Variants in AGPAT3 observed in about 807,000 individuals in gnomAD.
The protein encoded by AGPAT3 is 1-acyl-sn-glycerol-3-phosphate acyltransferase gamma.
In AGPAT3, 5 loss-of-function variants were observed where a neutral mutation model predicts 47.3. The observed-to-expected ratio is 0.11, with a 90% CI of 0.06 to 0.22. The LOEUF (loss-of-function observed/expected upper bound fraction) is 0.22, where lower values mean the gene tolerates loss of function less well. AGPAT3 is among the 10% of genes least tolerant of loss of function. The pLI, the probability that AGPAT3 is intolerant of heterozygous loss-of-function variation, is 1.00. For synonymous variants in AGPAT3, 212 were observed against 208.3 expected, an observed-to-expected ratio of 1.02 and a Z score of -0.15; for missense variants, 315 against 493.0, an observed-to-expected ratio of 0.64 and a Z score of 3.42.
intron 1 of AGPAT3, among the ~76,000 whole-genome samples, chr21:43,870,669 C>T (rs1189155324): frequency 2.0e-5 from 3 of 152,190 alleles, no homozygotes; most frequent in Admixed American, 2.0e-4. Flanking sequence ...TTGCAGTGAG[C>T]TGAGATCGTG....
intron 1 of AGPAT3, among the ~76,000 whole-genome samples, chr21:43,897,820 G>C (rs1309328207): frequency 6.6e-6 from 1 of 152,234 alleles, no homozygotes; most frequent in East Asian, 1.9e-4. Flanking sequence ...AGCGAGCCGA[G>C]ATCACGCCTC....
chr21:43,968,128 CTGGGGAGGGCCA>C lies in AGPAT3; in HGVS notation c.348+14_348+25del. The C allele has an allele frequency of 6.6e-7, 1 of 1,515,942 alleles. No homozygotes were observed. Among genetic ancestry groups the C allele is most frequent in the Non-Finnish European group, 8.9e-7 (1 of 1,122,660 alleles). The allele number at this position is 1,515,942 out of a possible 1,614,324, so 93.9% of individuals were successfully genotyped here. On this transcript the variant is annotated intron_variant, in intron 4 of 9. Coordinates refer to ENST00000291572, the MANE Select transcript of AGPAT3 (RefSeq NM_020132.5). ...CGGAGTGCTGGGGGTGAGCGGGGAC[CTGGGGAGGGCCA>C]CGGGTGAGCAGGAGGGTCCCGGGGA... is the stretch of plus-strand genomic sequence containing the variant.
chr21:43,904,397 A>T lies in AGPAT3; in HGVS notation c.-49+378A>T, dbSNP rs1214218791. Among the ~76,000 whole-genome samples, 9 of 152,280 alleles carry T rather than the reference A, an allele frequency of 5.9e-5. 1 individual carries two copies. Among genetic ancestry groups the T allele is most frequent in the African/African-American group, 1.9e-4 (8 of 41,566 alleles). On this transcript the variant is annotated intron_variant, in intron 2 of 9. Coordinates refer to ENST00000291572, the MANE Select transcript of AGPAT3 (RefSeq NM_020132.5). ...CCCCGGCTCTGTTAGCAGCCCAGGA[A>T]GTCCACCCCTCTCCTGGAGACCGAC...
rs1050163761 is a variant in AGPAT3 at position 43,920,466 on chromosome 21, C to CT, written c.-49+16456dup. 3.7e-4 allele frequency among the ~76,000 whole-genome samples: 56 copies of CT among 151,496 alleles called. No individual in the cohort carries two copies. The highest frequency in any genetic ancestry group is 9.2e-4 in the Admixed American group (14 of 15,210). On this transcript the variant is annotated intron_variant, in intron 2 of 9. Coordinates refer to ENST00000291572, the MANE Select transcript of AGPAT3 (RefSeq NM_020132.5). The surrounding 1 kb of genome is among the most constrained non-coding windows in gnomAD (Gnocchi z 6.1). ...TCCTACAACCTTTAGTGCTGAGTGT[C>CT]TTTTTTTTTGCTAATGAGGTGACTG...
rs1285489650 is a variant in AGPAT3 at position 43,984,981 on chromosome 21, C to T, written c.*2589C>T. 7 of 391,040 alleles carry T rather than the reference C, an allele frequency of 1.8e-5. No individual in the cohort carries two copies. Among genetic ancestry groups the T allele is most frequent in the East Asian group, 1.4e-4 (2 of 13,860 alleles). The allele number at this position is 391,040 out of a possible 1,614,324, so 24.2% of individuals were successfully genotyped here. A position where few individuals can be genotyped will look rare whatever the true frequency, so the allele number is the denominator to read the frequency against. ...TCTGCACCCAGTCCTTGAGCCAGGC[C>T]GAGGACAGGAAGGGCATTGCTGGCC... is the stretch of plus-strand genomic sequence containing the variant. On this transcript the variant is annotated 3_prime_UTR_variant, in exon 10 of 10. Transcript: ENST00000291572.
At chr21:43,979,321 GAAAAAAAAAGAAAGA>G (rs1569109637) in intron 8 of AGPAT3, among the ~76,000 whole-genome samples, 2 of 120,126 alleles carry the variant, frequency 1.7e-5, no homozygotes, top group African/African-American at 3.1e-5. Context: ...AAAAAAGAAA[GAAAAAAAAAGAAAGA>G]AAAAAAAAAA....
intron 2 of AGPAT3, among the ~76,000 whole-genome samples, chr21:43,919,589 A>G (rs1355001440): frequency 1.3e-5 from 2 of 152,234 alleles, no homozygotes; most frequent in Non-Finnish European, 2.9e-5. Flanking sequence ...ATTGCAAGTC[A>G]TCTTGCTGCA....
At chr21:43,914,022 G>A (rs931893658) in intron 2 of AGPAT3, among the ~76,000 whole-genome samples, 7 of 152,224 alleles carry the variant, frequency 4.6e-5, no homozygotes, top group African/African-American at 1.7e-4. Context: ...TAAGGACAGT[G>A]GCCCTGTTTT....
chr21:43,885,843 G>A (rs1027624793), intron 1 of AGPAT3, among the ~76,000 whole-genome samples: 3 of 146,862 alleles, frequency 2.0e-5, no homozygotes, highest in Non-Finnish European at 3.0e-5. Context: ...GCGCAGGTGC[G>A]CAGGGCTCCT....
intron 2 of AGPAT3, among the ~76,000 whole-genome samples, chr21:43,917,118 TG>T (rs1208918380): frequency 6.6e-6 from 1 of 152,156 alleles, no homozygotes; most frequent in African/African-American, 2.4e-5. Context: ...TGCCCTGGCC[TG>T]CCCCACCGCC....
At chr21:43,949,551 A>T (rs750960937) in intron 2 of AGPAT3, among the ~76,000 whole-genome samples, 7 of 152,218 alleles carry the variant, frequency 4.6e-5, no homozygotes, top group Non-Finnish European at 8.8e-5. Flanking sequence ...CATTCTATTG[A>T]TAGGGTGAGC....
chr21:43,866,912 G>A (rs2085519831), intron 1 of AGPAT3, among the ~76,000 whole-genome samples: 1 of 152,208 alleles, frequency 6.6e-6, no homozygotes, highest in Non-Finnish European at 1.5e-5. Context: ...TGGCCGGGTG[G>A]GAAAGTCCCC....
chr21:43,985,091 G>T lies in AGPAT3; in HGVS notation c.*2699G>T, dbSNP rs765187808. The T allele has an allele frequency of 2.2e-6, 1 of 456,194 alleles. No homozygotes were observed. Among genetic ancestry groups the T allele is most frequent in the Non-Finnish European group, 4.4e-6 (1 of 226,922 alleles). The allele number at this position is 456,194 out of a possible 1,614,324, so 28.3% of individuals were successfully genotyped here. A position where few individuals can be genotyped will look rare whatever the true frequency, so the allele number is the denominator to read the frequency against. Reference sequence around the variant, plus strand: ...GCCCAGGCCCACCCACGGGCGTCTGGCCGGTCAAGCTCCCAGCCTGGGCCG... The same window carrying T: ...GCCCAGGCCCACCCACGGGCGTCTGTCCGGTCAAGCTCCCAGCCTGGGCCG... On this transcript the variant is annotated 3_prime_UTR_variant, in exon 10 of 10. Coordinates refer to ENST00000291572, the MANE Select transcript of AGPAT3 (RefSeq NM_020132.5).
At position 43,868,822 on chromosome 21, in the gene AGPAT3, G is replaced by C. The variant is rs2085562828; in HGVS notation, c.-112+3477G>C. ...TCCTCTACATCCCTGTAAGGAGAGT[G>C]GTATTGCCCCATCACACAGAAACTG... On this transcript the variant is annotated intron_variant, in intron 1 of 9. Transcript: ENST00000291572. Among the ~76,000 whole-genome samples, 7 of 152,286 alleles carry C rather than the reference G, an allele frequency of 4.6e-5. No individual in the cohort carries two copies. The South Asian group carries it at 1.5e-3, about 32-fold the overall frequency.
chr21:43,917,704 C>T (rs73371146), intron 2 of AGPAT3, among the ~76,000 whole-genome samples: 8,463 of 151,792 alleles, frequency 0.056, 299 homozygotes, highest in African/African-American at 0.087. Flanking sequence ...GGTGGGGGTC[C>T]GCATAACTCG....
In AGPAT3 at chr21:43,970,748, C is replaced by T; in HGVS notation, c.606C>T (p.Tyr202=). The change falls in exon 6 of 10, where the codon TAC becomes TAT. Residue 202 remains tyrosine, a synonymous_variant. Transcript: ENST00000291572. This position sits in a 1 kb window ranked among gnomAD's most constrained non-coding sequence, Gnocchi z 5.8. ...CTAAGGGGCTTCCTGTCCTCAAGTA[C>T]CACCTGCTGCCGCGGACCAAGGGCT... ...AAAKGLPVLK[Y]HLLPRTKGFT... 6.2e-7 allele frequency: 1 copy of T among 1,610,794 alleles called. No homozygotes were observed. Among genetic ancestry groups the T allele is most frequent in the South Asian group, 1.1e-5 (1 of 90,888 alleles).
Position 43,969,270 on chromosome 21 carries a change from G to C in AGPAT3, c.501G>C (p.Glu167Asp). The C allele has an allele frequency of 6.2e-7, 1 of 1,614,224 alleles. No homozygotes were observed. Among genetic ancestry groups the C allele is most frequent in the South Asian group, 1.1e-5 (1 of 91,090 alleles). The change falls in exon 5 of 10, where the codon GAG (glutamate) becomes GAC (aspartate). Residue 167 changes from glutamate (E) to aspartate (D), a missense_variant. Transcript: ENST00000291572. ...TGAGGCGCCTGTCGGACTACCCCGAGTACATGTGGGTGAGTGCGCGGAGCA... is the reference window on the plus strand; with the variant it reads ...TGAGGCGCCTGTCGGACTACCCCGACTACATGTGGGTGAGTGCGCGGAGCA... ...EGLRRLSDYP[E>D]YMWFLLYCEG...
chr21:43,951,211 G>T (rs1162589967), intron 2 of AGPAT3, among the ~76,000 whole-genome samples: 2 of 152,330 alleles, frequency 1.3e-5, no homozygotes, highest in East Asian at 3.9e-4. Context: ...GTGCGGGGTG[G>T]GCGGGACAGA....
rs1019411169 is a variant in AGPAT3 at position 43,987,004 on chromosome 21, C to G, written c.*4612C>G. The stretch of plus-strand genomic sequence containing the variant: ...TGCGTTTGCCGTGCTGTGCGAGGAC[C>G]TGTGTACACAGGCAGGTGTGCGCCT... On this transcript the variant is annotated 3_prime_UTR_variant, in exon 10 of 10. Transcript: ENST00000291572. 6.6e-6 allele frequency among the ~76,000 whole-genome samples: 1 copy of G among 152,230 alleles called. No homozygotes were observed. Among genetic ancestry groups the G allele is most frequent in the Non-Finnish European group, 1.5e-5 (1 of 68,042 alleles).
Sources: gnomAD v4.1 joint callset for allele counts (sites outside exome capture counted in the v4.1 genomes callset) on GRCh38, gnomAD v4.1.1 for gene constraint, Gnocchi (gnomAD v3.1) non-coding constraint, MANE v1.5 for transcripts, NCBI Gene and HGNC (gene_info 2026-07-23, HGNC 2026-07-21) for gene names.